The following GFRA1 variants were observed in gnomAD, a reference collection of about 807,000 sequenced individuals.
GFRA1 encodes the protein GDNF family receptor alpha-1.
A neutral mutation model predicts 51.6 loss-of-function variants in GFRA1; 16 were observed. The observed-to-expected ratio is 0.31, with a 90% CI of 0.21 to 0.47. The LOEUF (loss-of-function observed/expected upper bound fraction) is 0.47. GFRA1 is among the 20% of genes least tolerant of loss of function. The pLI is 1.00. For missense variants in GFRA1, 530 were observed against 594.3 expected, an observed-to-expected ratio of 0.89 and a Z score of 1.13; for synonymous variants, 270 against 241.3, an observed-to-expected ratio of 1.12 and a Z score of -1.10.
intron 5 of GFRA1, among the ~76,000 whole-genome samples, chr10:116,128,169 C>T (rs911372127): frequency 1.4e-4 from 21 of 152,158 alleles, no homozygotes; most frequent in Non-Finnish European, 2.5e-4. Flanking sequence ...CTGTAAGCAC[C>T]AATTTAGTTT....
chr10:116,107,031 C>T (rs907519358), intron 6 of GFRA1, among the ~76,000 whole-genome samples: 1 of 152,200 alleles, frequency 6.6e-6, no homozygotes, highest in Non-Finnish European at 1.5e-5. Flanking sequence ...AATGCCAGCA[C>T]CATGCTTCCT....
intron 5 of GFRA1, among the ~76,000 whole-genome samples, chr10:116,200,984 A>G (rs1336623508): frequency 1.3e-5 from 2 of 152,184 alleles, no homozygotes; most frequent in African/African-American, 4.8e-5. Flanking sequence ...CCCACAAACA[A>G]TATGGACAGT....
chr10:116,205,651 C>G (rs1411089951), intron 5 of GFRA1, among the ~76,000 whole-genome samples: 1 of 148,724 alleles, frequency 6.7e-6, no homozygotes, highest in African/African-American at 2.5e-5. Context: ...AACTGCTCTT[C>G]TTTTATAGCC....
At chr10:116,095,848 C>A (rs1033146281) in intron 7 of GFRA1, among the ~76,000 whole-genome samples, 16 of 152,070 alleles carry the variant, frequency 1.1e-4, no homozygotes, top group African/African-American at 3.1e-4. Flanking sequence ...TGTGATTTTC[C>A]TCACCCTTCC....
intron 5 of GFRA1, among the ~76,000 whole-genome samples, chr10:116,191,894 G>C (rs1027127816): frequency 6.6e-6 from 1 of 152,150 alleles, no homozygotes; most frequent in Non-Finnish European, 1.5e-5. Flanking sequence ...GGGCGTGGTG[G>C]CAGCCACCTG....
At chr10:116,169,904 C>T (rs534236395) in intron 5 of GFRA1, among the ~76,000 whole-genome samples, 2 of 152,176 alleles carry the variant, frequency 1.3e-5, no homozygotes, top group Admixed American at 6.5e-5. Context: ...TTGTAACACA[C>T]ACCCTCTGGG....
At chr10:116,175,291 T>C (rs1489372905) in intron 5 of GFRA1, among the ~76,000 whole-genome samples, 1 of 152,194 alleles carries the variant, frequency 6.6e-6, no homozygotes, top group East Asian at 1.9e-4. Flanking sequence ...CATGGTGCCA[T>C]ATCCTTGGGA....
intron 5 of GFRA1, among the ~76,000 whole-genome samples, chr10:116,181,022 T>C (rs2134272212): frequency 6.6e-6 from 1 of 152,306 alleles, no homozygotes; most frequent in Admixed American, 6.5e-5. Flanking sequence ...ATAAACAATG[T>C]TGTTCCTGGT....
At chr10:116,235,085 C>A (rs1966852019) in intron 4 of GFRA1, among the ~76,000 whole-genome samples, 1 of 152,186 alleles carries the variant, frequency 6.6e-6, no homozygotes, top group African/African-American at 2.4e-5. Flanking sequence ...ATAAATTACC[C>A]AGTCGCAGGT....
chr10:116,190,410 C>A (rs567916823), intron 5 of GFRA1, among the ~76,000 whole-genome samples: 6 of 152,186 alleles, frequency 3.9e-5, no homozygotes, highest in Non-Finnish European at 7.3e-5. Flanking sequence ...CTCAAGAAGT[C>A]GGCCTTTATC....
chr10:116,272,373 T>TCCAACACCGGGGTGAGGAC lies in GFRA1; in HGVS notation c.-246-117_-246-99dup. ...CCCCCGTTCCCGCCTTTGGGGAATT[T>TCCAACACCGGGGTGAGGAC]CCAACACCGGGGTGAGGACCCACCC... On this transcript the variant is annotated intron_variant, in intron 1 of 10. Transcript: ENST00000355422. This position sits in a 1 kb window ranked among gnomAD's most constrained non-coding sequence, Gnocchi z 4.4. The TCCAACACCGGGGTGAGGAC allele has an allele frequency of 2.4e-6, 1 of 425,266 alleles. No individual in the cohort carries two copies. Among genetic ancestry groups the TCCAACACCGGGGTGAGGAC allele is most frequent in the Non-Finnish European group, 4.4e-6 (1 of 229,372 alleles). 26.3% of individuals were successfully genotyped at this position (425,266 alleles called of 1,614,324 possible).
At chr10:116,197,510 ACATGTGTGTG>A (rs1391641210) in intron 5 of GFRA1, among the ~76,000 whole-genome samples, 1 of 152,200 alleles carries the variant, frequency 6.6e-6, no homozygotes, top group Non-Finnish European at 1.5e-5. Context: ...TGTCATTTAT[ACATGTGTGTG>A]CACGTGCATC....
At chr10:116,161,009 C>A (rs1353658876) in intron 5 of GFRA1, among the ~76,000 whole-genome samples, 1 of 152,230 alleles carries the variant, frequency 6.6e-6, no homozygotes, top group Non-Finnish European at 1.5e-5. Flanking sequence ...GCAAGATGGT[C>A]TCCTGCAGCC....
At chr10:116,274,212 G>A (rs1363385214), upstream of GFRA1, among the ~76,000 whole-genome samples, 8 of 135,448 alleles carry the variant, frequency 5.9e-5, no homozygotes, top group East Asian at 8.9e-4. Context: ...ACGCCGGGGG[G>A]CGCCCGGGGC....
chr10:116,069,609 G>A (rs1955281662), intron 9 of GFRA1, among the ~76,000 whole-genome samples: 1 of 152,158 alleles, frequency 6.6e-6, no homozygotes, highest in African/African-American at 2.4e-5. Flanking sequence ...TGTAATTGTG[G>A]GGGGACAGAC....
At chr10:116,159,952 T>C (rs142470067) in intron 5 of GFRA1, among the ~76,000 whole-genome samples, 1 of 152,348 alleles carries the variant, frequency 6.6e-6, no homozygotes, top group East Asian at 1.9e-4. Context: ...GATTCCAATA[T>C]ACAGAGGTTC....
chr10:116,093,985 A>G (rs772348465), intron 7 of GFRA1, 149 bp from the exon 8 acceptor site: 255 of 737,678 alleles, frequency 3.5e-4, no homozygotes, highest in Non-Finnish European at 5.4e-4. Context: ...TAAGCAGTGC[A>G]TTTTCTCGGC....
intron 4 of GFRA1, among the ~76,000 whole-genome samples, chr10:116,258,354 A>G (rs1392461821): frequency 2.1e-5 from 3 of 145,818 alleles, no homozygotes; most frequent in East Asian, 2.0e-4. Flanking sequence ...TAACATATAT[A>G]ATATATAATA....
intron 5 of GFRA1, among the ~76,000 whole-genome samples, chr10:116,209,827 C>A (rs981438406): frequency 1.3e-5 from 2 of 151,914 alleles, no homozygotes; most frequent in African/African-American, 4.8e-5. Flanking sequence ...TGGGTACCAG[C>A]GGGCGAGTTC....
Sources: gnomAD v4.1 joint callset for allele counts (sites outside exome capture counted in the v4.1 genomes callset) on GRCh38, gnomAD v4.1.1 for gene constraint, Gnocchi (gnomAD v3.1) non-coding constraint, MANE v1.5 for transcripts, NCBI Gene and HGNC (gene_info 2026-07-23, HGNC 2026-07-21) for gene names.